Variants in NBEAL1 observed in about 807,000 individuals in gnomAD.
NBEAL1 encodes the protein neurobeachin like 1.
In NBEAL1, 273 loss-of-function variants were observed where a neutral mutation model predicts 351.3. The ratio of observed to expected loss-of-function variants is 0.78; its 90% CI spans 0.70 to 0.86. NBEAL1 has a LOEUF of 0.86. NBEAL1 is among the 40% of genes least tolerant of loss of function. The pLI is 0.00. For missense variants in NBEAL1, 2,961 were observed against 3,201.3 expected, an observed-to-expected ratio of 0.92 and a Z score of 1.81; for synonymous variants, 1,050 against 1,086.4, an observed-to-expected ratio of 0.97 and a Z score of 0.66.
intron 30 of NBEAL1, 44 bp downstream of exon 30, chr2:203,138,359 A>T: frequency 6.4e-7 from 1 of 1,561,956 alleles, no homozygotes; most frequent in Non-Finnish European, 8.6e-7. Flanking sequence ...GTAGTTAAGA[A>T]CTTTATTCAA....
rs1384063545 is a variant in NBEAL1 at position 203,207,272 on chromosome 2, C to G, written c.7507-1365C>G. On this transcript the variant is annotated intron_variant, in intron 51 of 55. Coordinates refer to ENST00000683969, the MANE Select transcript of NBEAL1 (RefSeq NM_001378026.1). ...GAGCATCTCCGCCCGGCAGCCACCCCGTCCAGGAGGGAGGTGGGGGGGTCA... is the reference window on the plus strand; with the variant it reads ...GAGCATCTCCGCCCGGCAGCCACCCGGTCCAGGAGGGAGGTGGGGGGGTCA... 6.6e-5 allele frequency among the ~76,000 whole-genome samples: 10 copies of G among 151,646 alleles called. No individual in the cohort carries two copies. The East Asian group carries it at 2.0e-3, about 30-fold the overall frequency.
At chr2:203,091,573 T>G (rs181727675) in intron 10 of NBEAL1, among the ~76,000 whole-genome samples, 2 of 152,226 alleles carry the variant, frequency 1.3e-5, no homozygotes, top group African/African-American at 4.8e-5. Flanking sequence ...CTGTACCATT[T>G]TACATTCATA....
intron 11 of NBEAL1, among the ~76,000 whole-genome samples, chr2:203,098,259 C>T (rs2062227126): frequency 6.6e-6 from 1 of 151,948 alleles, no homozygotes; most frequent in South Asian, 2.1e-4. Context: ...TTATTTTTCT[C>T]TTCCAAAATA....
intron 27 of NBEAL1, among the ~76,000 whole-genome samples, chr2:203,133,944 A>T (rs2063137743): frequency 6.6e-6 from 1 of 151,918 alleles, no homozygotes; most frequent in Non-Finnish European, 1.5e-5. Context: ...ATTGATAGAC[A>T]TTTAGGTTGT....
chr2:203,040,884 C>A (rs2061129434), intron 2 of NBEAL1: 1 of 399,760 alleles, frequency 2.5e-6, no homozygotes, highest in Admixed American at 3.3e-5. Flanking sequence ...GTCAGCTCAT[C>A]TGCCAGCTGA....
intron 29 of NBEAL1, 66 bp downstream of exon 29, chr2:203,136,840 G>A: frequency 1.5e-6 from 2 of 1,347,890 alleles, no homozygotes; most frequent in Non-Finnish European, 2.1e-6. Context: ...AATAACGTTA[G>A]TTATTGAACA....
chr2:203,024,786 T>A (rs1199897079), intron 2 of NBEAL1, among the ~76,000 whole-genome samples: 1 of 151,718 alleles, frequency 6.6e-6, no homozygotes, highest in Non-Finnish European at 1.5e-5. Flanking sequence ...CGCTTGAACC[T>A]GGGGGGCGGA....
intron 24 of NBEAL1, 136 bp from the exon 25 acceptor site, chr2:203,130,182 A>G (rs2063040854): frequency 1.2e-6 from 1 of 848,110 alleles, no homozygotes; most frequent in South Asian, 2.3e-5. Flanking sequence ...TTTTAAAAAG[A>G]CATCATATCA....
At chr2:203,190,753 G>A in intron 46 of NBEAL1, 1 of 1,608,452 alleles carries the variant, frequency 6.2e-7, no homozygotes, top group Non-Finnish European at 8.5e-7. Context: ...CCGAATCCGG[G>A]TTCATCCAAC....
chr2:203,128,601 C>CT (rs35686158), intron 24 of NBEAL1, among the ~76,000 whole-genome samples: 63,584 of 139,132 alleles, frequency 0.46, 15,444 homozygotes, highest in East Asian at 0.62. Flanking sequence ...AGATTTCTTT[C>CT]TTTTTTTTTT....
intron 35 of NBEAL1, among the ~76,000 whole-genome samples, chr2:203,153,521 G>A (rs758889622): frequency 1.3e-5 from 2 of 152,050 alleles, no homozygotes; most frequent in South Asian, 4.1e-4. Flanking sequence ...GAGCTATGAT[G>A]CCTGCCATTT....
chr2:203,069,276 T>C (rs936713588), intron 7 of NBEAL1, among the ~76,000 whole-genome samples: 3 of 152,316 alleles, frequency 2.0e-5, no homozygotes, highest in East Asian at 3.9e-4. Context: ...AAATAATCCT[T>C]TGATTGCTTG....
chr2:203,081,626 C>G (rs1009607357), intron 8 of NBEAL1, among the ~76,000 whole-genome samples: 10 of 152,202 alleles, frequency 6.6e-5, no homozygotes, highest in Non-Finnish European at 1.5e-4. Context: ...CAGAGTTAAT[C>G]TGGTGCCTCT....
At chr2:203,176,847 C>G (rs1238894301) in intron 42 of NBEAL1, among the ~76,000 whole-genome samples, 1 of 151,450 alleles carries the variant, frequency 6.6e-6, no homozygotes, top group Non-Finnish European at 1.5e-5. Flanking sequence ...CTTCAAAGGT[C>G]ACCATCAAGA....
chr2:203,058,421 T>C (rs989436514), intron 6 of NBEAL1, among the ~76,000 whole-genome samples: 5 of 152,144 alleles, frequency 3.3e-5, no homozygotes, highest in African/African-American at 9.7e-5. Flanking sequence ...GGACACTGAC[T>C]TTAGGAAACA....
intron 6 of NBEAL1, among the ~76,000 whole-genome samples, chr2:203,063,048 A>G (rs143885496): frequency 5.1e-4 from 77 of 152,326 alleles, no homozygotes; most frequent in African/African-American, 1.8e-3. Context: ...ATGTAAAACT[A>G]TTTCTTTTCT....
chr2:203,024,551 C>CA (rs59398616), intron 2 of NBEAL1, among the ~76,000 whole-genome samples: 64,072 of 131,444 alleles, frequency 0.49, 16,123 homozygotes, highest in Middle Eastern at 0.7. Context: ...GACTCTGTCT[C>CA]AAAAAAAAAA....
Position 203,169,780 on chromosome 2 carries a change from C to G in NBEAL1, c.6031C>G (p.Leu2011Val). The change falls in exon 39 of 56, where the codon CTT (leucine) becomes GTT (valine). Residue 2011 changes from leucine (L) to valine (V), a missense_variant. Physicochemically the swap from Leu to Val is conservative, Grantham distance 32. Transcript: ENST00000683969. ...CAAAATATATAGCCGACTGTTGTCA[C>G]TTCATTCCCCAAATAGTTATTATGG... is the stretch of plus-strand genomic sequence containing the variant. Reference protein sequence around the residue: ...RNKIYSRLLSLHSPNSYYGSR... With the variant: ...RNKIYSRLLSVHSPNSYYGSR... 3 of 1,610,360 alleles carry G rather than the reference C, an allele frequency of 1.9e-6. No individual in the cohort carries two copies. The South Asian group carries it at 3.3e-5, about 18-fold the overall frequency.
chr2:203,039,273 TCCCTTCCCTTTC>T (rs2061093180), intron 2 of NBEAL1, among the ~76,000 whole-genome samples: 1 of 48,158 alleles, frequency 2.1e-5, no homozygotes, highest in African/African-American at 8.7e-5. Flanking sequence ...TCCCTTCCCT[TCCCTTCCCTTTC>T]GCTTCCCCTC....
Sources: gnomAD v4.1 joint callset for allele counts (sites outside exome capture counted in the v4.1 genomes callset) on GRCh38, gnomAD v4.1.1 for gene constraint, MANE v1.5 for transcripts, NCBI Gene and HGNC (gene_info 2026-07-23, HGNC 2026-07-21) for gene names.